GDF1: variants seen among roughly 807,000 people sequenced by gnomAD.
GDF1 encodes the protein growth differentiation factor 1.
GDF1 carries 8 observed loss-of-function variants against 7.4 expected under a neutral mutation model. The observed-to-expected ratio is 1.09, with a 90% CI of 0.64 to 1.96. The LOEUF (loss-of-function observed/expected upper bound fraction) is 1.96. GDF1 is among the 30% of genes most tolerant of loss of function. The pLI, the probability that GDF1 is intolerant of heterozygous loss-of-function variation, is 0.00. For synonymous variants in GDF1, 311 were observed against 276.7 expected, an observed-to-expected ratio of 1.12 and a Z score of -1.23; for missense variants, 574 against 551.5, an observed-to-expected ratio of 1.04 and a Z score of -0.41.
chr19:18,893,514 C>T lies in GDF1; in HGVS notation c.-1012G>A. 6.2e-7 allele frequency: 1 copy of T among 1,610,482 alleles called. No homozygotes were observed. The highest frequency in any genetic ancestry group is 8.5e-7 in the Non-Finnish European group (1 of 1,178,688). ...GCTGCCCAGGTAGAAGAGAAACTTCCAAGCGCTCTCGGGCATCTTGGCGGC... is the reference window on the plus strand; with the variant it reads ...GCTGCCCAGGTAGAAGAGAAACTTCTAAGCGCTCTCGGGCATCTTGGCGGC... On this transcript the variant is annotated 5_prime_UTR_variant, in exon 2 of 8. It introduces an in-frame stop codon into an upstream open reading frame of the 5' UTR. Transcript: ENST00000247005.
Position 18,878,642 on chromosome 19 carries a change from C to T in GDF1, c.-313+288G>A. ...ACAGGGCCCTGGCTCGCCACTCCCG[C>T]CACACCAGCCACTAGGCCTGGCCCT... On this transcript the variant is annotated intron_variant, in intron 6 of 7. Coordinates refer to ENST00000247005, the MANE Select transcript of GDF1 (RefSeq NM_001492.6). The surrounding 1 kb of genome is among the most constrained non-coding windows in gnomAD (Gnocchi z 4.6). 3.2e-6 allele frequency: 4 copies of T among 1,236,876 alleles called. No individual in the cohort carries two copies. The highest frequency in any genetic ancestry group is 3.1e-6 in the Non-Finnish European group (3 of 978,890). The allele number at this position is 1,236,876 out of a possible 1,614,324, so 76.6% of individuals were successfully genotyped here. A position where few individuals can be genotyped will look rare whatever the true frequency, so the allele number is the denominator to read the frequency against.
At chr19:18,892,283 A>G (rs2056509410) in intron 2 of GDF1, among the ~76,000 whole-genome samples, 2 of 152,054 alleles carry the variant, frequency 1.3e-5, no homozygotes, top group South Asian at 4.1e-4. Context: ...GCATTTTGTC[A>G]TCCACAAAAC....
intron 2 of GDF1, among the ~76,000 whole-genome samples, chr19:18,891,492 G>A (rs1207166637): frequency 1.3e-5 from 2 of 152,296 alleles, no homozygotes; most frequent in African/African-American, 2.4e-5. Flanking sequence ...AGAGCGCGCT[G>A]CAGTCACCTC....
chr19:18,894,694 C>T (rs747030345), intron 1 of GDF1, among the ~76,000 whole-genome samples: 1 of 152,128 alleles, frequency 6.6e-6, no homozygotes, highest in Non-Finnish European at 1.5e-5. Flanking sequence ...CCCTGGACAG[C>T]CCTGTCTCCC....
At chr19:18,882,614 G>A (rs2056240130) in intron 3 of GDF1, among the ~76,000 whole-genome samples, 1 of 151,212 alleles carries the variant, frequency 6.6e-6, no homozygotes, top group Admixed American at 6.6e-5. Context: ...TCCAGCCTGG[G>A]CGACAGAGCG....
At chr19:18,873,386 G>A (rs532606066) in intron 6 of GDF1, among the ~76,000 whole-genome samples, 3 of 152,080 alleles carry the variant, frequency 2.0e-5, no homozygotes, top group African/African-American at 4.8e-5. Flanking sequence ...AGACAGAGCA[G>A]GAGTGCAGAG....
chr19:18,881,467 G>A (rs761480190), intron 3 of GDF1, among the ~76,000 whole-genome samples: 5 of 151,174 alleles, frequency 3.3e-5, no homozygotes, highest in South Asian at 2.1e-4. Flanking sequence ...TGACCCACCC[G>A]CCTTGGCCTC....
At chr19:18,887,744 CAA>C (rs201962831) in intron 2 of GDF1, among the ~76,000 whole-genome samples, 13 of 104,004 alleles carry the variant, frequency 1.2e-4, no homozygotes, top group African/African-American at 2.9e-4. Context: ...AACTCCATCT[CAA>C]AAAAAAAAAA....
intron 1 of GDF1, 113 bp from the exon 2 acceptor site, chr19:18,893,688 G>A: frequency 9.0e-7 from 1 of 1,117,054 alleles, no homozygotes; most frequent in Admixed American, 2.4e-5. Context: ...CACTGGGAAG[G>A]CCTGTCCCCC....
chr19:18,869,446 G>C lies in GDF1; in HGVS notation c.326-56C>G, dbSNP rs1023239483. 8.6e-6 allele frequency: 13 copies of C among 1,515,080 alleles called. No individual in the cohort carries two copies. In the African/African-American group the frequency reaches 9.8e-5, roughly 11 times the overall value. The allele number at this position is 1,515,080 out of a possible 1,614,324, so 93.9% of individuals were successfully genotyped here. The stretch of plus-strand genomic sequence containing the variant: ...CGCTGCGTCCCCGGCCTGCCCATGG[G>C]GTCTCGGTTAGGGACAGGGAGGAAG... On this transcript the variant is annotated intron_variant, in intron 7 of 7. Transcript: ENST00000247005.
chr19:18,893,634 T>G, intron 1 of GDF1, 59 bp from the exon 2 acceptor site: 7 of 1,531,404 alleles, frequency 4.6e-6, no homozygotes, highest in Non-Finnish European at 6.2e-6. Context: ...ACTGCTCCTT[T>G]GGGGTGGGGA....
chr19:18,893,735 A>G (rs1477013279), intron 1 of GDF1, among the ~76,000 whole-genome samples, 160 bp from the exon 2 acceptor site: 1 of 152,104 alleles, frequency 6.6e-6, no homozygotes, highest in African/African-American at 2.4e-5. Context: ...CAGAGCCCAC[A>G]GGCGCCTGCC....
rs141837613 is a variant in GDF1, at chr19:18,879,458, C to T, written c.-570-70G>A. 9,009 of 1,509,680 alleles carry T rather than the reference C, an allele frequency of 6.0e-3. 39 individuals are homozygous for T. The highest frequency in any genetic ancestry group is 6.9e-3 in the Non-Finnish European group (7,718 of 1,122,438). The allele number at this position is 1,509,680 out of a possible 1,614,324, so 93.5% of individuals were successfully genotyped here. A position where few individuals can be genotyped will look rare whatever the true frequency, so the allele number is the denominator to read the frequency against. On this transcript the variant is annotated intron_variant, in intron 4 of 7. Coordinates refer to ENST00000247005, the MANE Select transcript of GDF1 (RefSeq NM_001492.6). Reference sequence around the variant, plus strand: ...GCCCTACCCAGTCCCTGTCCTATCCCGTCCTAGACCCACCCTTGCCCCCTT... The same window carrying T: ...GCCCTACCCAGTCCCTGTCCTATCCTGTCCTAGACCCACCCTTGCCCCCTT...
At chr19:18,890,373 G>A (rs1043241530) in intron 2 of GDF1, among the ~76,000 whole-genome samples, 2 of 152,248 alleles carry the variant, frequency 1.3e-5, no homozygotes, top group South Asian at 4.1e-4. Context: ...GCTTCATGAG[G>A]GCACAGGGCT....
At chr19:18,876,483 A>C (rs932210831) in intron 6 of GDF1, among the ~76,000 whole-genome samples, 4 of 151,878 alleles carry the variant, frequency 2.6e-5, no homozygotes, top group Non-Finnish European at 5.9e-5. Context: ...CTGGGACTAT[A>C]GGTGTGTGCC....
At chr19:18,893,213 C>T (rs942318136) in intron 2 of GDF1, among the ~76,000 whole-genome samples, 1 of 151,190 alleles carries the variant, frequency 6.6e-6, no homozygotes, top group Non-Finnish European at 1.5e-5. Flanking sequence ...GCGCCTGGCC[C>T]TCTTTTTCTT....
rs1181864793 is a variant in GDF1, at chr19:18,870,604, G to GT, written c.-298dup. On this transcript the variant is annotated 5_prime_UTR_variant, in exon 7 of 8. The change abolishes the stop of an existing upstream ORF in the 5' untranslated region. Coordinates refer to ENST00000247005, the MANE Select transcript of GDF1 (RefSeq NM_001492.6). This position sits in a 1 kb window ranked among gnomAD's most constrained non-coding sequence, Gnocchi z 5.1. ...AGAAGCGCTTGTCCTTCACCAGGCC[G>GT]TTCCTCAGTGGCTTCCTGGGGGTCA... 2 of 580,200 alleles carry GT rather than the reference G, an allele frequency of 3.4e-6. No individual in the cohort carries two copies. Among genetic ancestry groups the GT allele is most frequent in the Non-Finnish European group, 6.2e-6 (2 of 320,446 alleles). 35.9% of individuals were successfully genotyped at this position (580,200 alleles called of 1,614,324 possible).
chr19:18,869,873 G>C, intron 7 of GDF1, 110 bp downstream of exon 7: 1 of 1,070,030 alleles, frequency 9.3e-7, no homozygotes, highest in Admixed American at 2.0e-5. Flanking sequence ...AGCCTGGACA[G>C]GGCGGGTGGG....
At position 18,878,918 on chromosome 19, in the gene GDF1, C is replaced by G. The variant is rs763379257; in HGVS notation, c.-313+12G>C. The G allele has an allele frequency of 6.2e-7, 1 of 1,613,208 alleles. No individual in the cohort carries two copies. The highest frequency in any genetic ancestry group is 8.5e-7 in the Non-Finnish European group (1 of 1,179,734). ...AGGAGGGAACGCGGGGTGCGGGCCCCTCCACACTCACTCGGCTTTGCTGGG... is the reference window on the plus strand; with the variant it reads ...AGGAGGGAACGCGGGGTGCGGGCCCGTCCACACTCACTCGGCTTTGCTGGG... On this transcript the variant is annotated intron_variant, in intron 6 of 7. Coordinates refer to ENST00000247005, the MANE Select transcript of GDF1 (RefSeq NM_001492.6). The surrounding 1 kb of genome is among the most constrained non-coding windows in gnomAD (Gnocchi z 4.6).
Sources: gnomAD v4.1 joint callset for allele counts (sites outside exome capture counted in the v4.1 genomes callset) on GRCh38, gnomAD v4.1.1 for gene constraint, Gnocchi (gnomAD v3.1) non-coding constraint, MANE v1.5 for transcripts, NCBI Gene and HGNC (gene_info 2026-07-23, HGNC 2026-07-21) for gene names.